Variants in ASCC3 observed in about 807,000 individuals in gnomAD.
ASCC3 encodes the protein ASC-1 complex subunit P200.
In ASCC3, 158 loss-of-function variants were observed where a neutral mutation model predicts 256.3. The observed-to-expected ratio is 0.62, with a 90% CI of 0.54 to 0.70. The LOEUF is 0.70. Among genes scored for constraint, ASCC3 ranks in the 30% least tolerant of loss-of-function variants. The pLI, the probability that ASCC3 is intolerant of heterozygous loss-of-function variation, is 0.00. For missense variants in ASCC3, 2,259 were observed against 2,626.0 expected (o/e 0.86, Z 3.05); for synonymous variants, 948 against 883.4 (o/e 1.07, Z -1.30).
At chr6:100,660,385 A>C (rs1776134711) in intron 16 of ASCC3, among the ~76,000 whole-genome samples, 1 of 151,630 alleles carries the variant, frequency 6.6e-6, no homozygotes, top group African/African-American at 2.4e-5. Flanking sequence ...GTTCACTGCC[A>C]CTATCATTTT....
At chr6:100,522,203 A>G (rs1774349546) in intron 37 of ASCC3, among the ~76,000 whole-genome samples, 1 of 152,050 alleles carries the variant, frequency 6.6e-6, no homozygotes, top group African/African-American at 2.4e-5. Flanking sequence ...GGAAACATGA[A>G]TGGGGGCTGA....
intron 29 of ASCC3, among the ~76,000 whole-genome samples, chr6:100,626,138 A>G (rs560445446): frequency 2.0e-5 from 3 of 151,678 alleles, no homozygotes; most frequent in Admixed American, 1.3e-4. Context: ...TCTTGAAATG[A>G]GGTTTTTTGT....
chr6:100,616,989 T>TGTG (rs1324287996), intron 30 of ASCC3, among the ~76,000 whole-genome samples: 2 of 151,382 alleles, frequency 1.3e-5, no homozygotes, highest in Non-Finnish European at 2.9e-5. Context: ...TTTTTGTTGT[T>TGTG]GTCGTTGTTG....
chr6:100,733,310 C>A (rs1280709459), intron 10 of ASCC3, among the ~76,000 whole-genome samples: 1 of 152,082 alleles, frequency 6.6e-6, no homozygotes, highest in Non-Finnish European at 1.5e-5. Context: ...ATTTGTTCCC[C>A]AATGTGGCAA....
chr6:100,690,963 A>C (rs1164155277), intron 13 of ASCC3, among the ~76,000 whole-genome samples: 1 of 152,170 alleles, frequency 6.6e-6, no homozygotes, highest in Non-Finnish European at 1.5e-5. Context: ...TTCACTTAAA[A>C]ATCACTTTAA....
rs1429537188 is a variant in ASCC3, at chr6:100,628,941, A to C, written c.4375+74T>G. ...GAAATATATATAAATATTACATGCA[A>C]ATTAAAAATACTAATAATTAATATT... On this transcript the variant is annotated intron_variant, in intron 27 of 41. Transcript: ENST00000369162. The C allele has an allele frequency of 3.8e-6, 5 of 1,318,012 alleles. No individual in the cohort carries two copies. In the South Asian group the frequency reaches 6.7e-5, roughly 18 times the overall value. 81.6% of individuals were successfully genotyped at this position (1,318,012 alleles called of 1,614,324 possible). A position where few individuals can be genotyped will look rare whatever the true frequency, so the allele number is the denominator to read the frequency against.
intron 4 of ASCC3, among the ~76,000 whole-genome samples, chr6:100,839,712 G>A (rs1166434660): frequency 1.3e-5 from 2 of 152,144 alleles, no homozygotes; most frequent in African/African-American, 4.8e-5. Flanking sequence ...GTTTGACTGA[G>A]CTGAGATCTG....
At chr6:100,828,726 G>A (rs1424169990) in intron 4 of ASCC3, among the ~76,000 whole-genome samples, 1 of 152,098 alleles carries the variant, frequency 6.6e-6, no homozygotes, top group Non-Finnish European at 1.5e-5. Context: ...GAGTGAAGCT[G>A]CAGACCTTTG....
chr6:100,532,357 T>C (rs1347346153), intron 37 of ASCC3, among the ~76,000 whole-genome samples: 2 of 136,348 alleles, frequency 1.5e-5, no homozygotes, highest in African/African-American at 5.8e-5. Context: ...TGTGTGTGTG[T>C]GTGTGTGTGT....
chr6:100,783,220 T>C (rs993610903), intron 8 of ASCC3, among the ~76,000 whole-genome samples: 1 of 152,180 alleles, frequency 6.6e-6, no homozygotes, highest in African/African-American at 2.4e-5. Flanking sequence ...TTCTACACCA[T>C]ATGTCCCCTA....
chr6:100,567,617 C>T (rs1770336893), intron 36 of ASCC3, among the ~76,000 whole-genome samples: 1 of 152,118 alleles, frequency 6.6e-6, no homozygotes, highest in African/African-American at 2.4e-5. Context: ...TCCATGAGTA[C>T]CCACTGTTTA....
intron 14 of ASCC3, among the ~76,000 whole-genome samples, chr6:100,667,797 C>T (rs563252764): frequency 3.2e-4 from 49 of 151,868 alleles, no homozygotes; most frequent in African/African-American, 9.7e-4. Flanking sequence ...TTATGTTTTG[C>T]GCATGAGTTT....
intron 13 of ASCC3, among the ~76,000 whole-genome samples, chr6:100,697,805 A>T (rs912146683): frequency 1.3e-5 from 2 of 152,106 alleles, no homozygotes; most frequent in Non-Finnish European, 2.9e-5. Flanking sequence ...AACGGAAGGA[A>T]TTTTTCCATG....
chr6:100,688,804 A>G (rs1375724129), intron 13 of ASCC3, among the ~76,000 whole-genome samples: 1 of 152,146 alleles, frequency 6.6e-6, no homozygotes, highest in Non-Finnish European at 1.5e-5. Flanking sequence ...AAAGGATTGG[A>G]GTCTAGGAAG....
At chr6:100,708,231 G>C (rs1778694344) in intron 13 of ASCC3, among the ~76,000 whole-genome samples, 2 of 152,056 alleles carry the variant, frequency 1.3e-5, no homozygotes, top group African/African-American at 4.8e-5. Flanking sequence ...TTGAATTAAA[G>C]TGAATTTATT....
chr6:100,790,055 T>C (rs1769281158), intron 8 of ASCC3, among the ~76,000 whole-genome samples: 1 of 151,962 alleles, frequency 6.6e-6, no homozygotes, highest in South Asian at 2.1e-4. Flanking sequence ...ATGATGTTTA[T>C]GTGAAGGGTT....
intron 36 of ASCC3, among the ~76,000 whole-genome samples, chr6:100,561,439 A>G (rs1002409619): frequency 1.3e-5 from 2 of 152,078 alleles, no homozygotes; most frequent in Admixed American, 1.3e-4. Context: ...ATCACATCAT[A>G]TTCCCAGTCC....
At chr6:100,705,045 A>G (rs2115004836) in intron 13 of ASCC3, among the ~76,000 whole-genome samples, 1 of 152,204 alleles carries the variant, frequency 6.6e-6, no homozygotes, top group South Asian at 2.1e-4. Context: ...TGGTAACACA[A>G]AGAGAAGCTT....
At chr6:100,751,422 AG>A (rs938699741) in intron 10 of ASCC3, among the ~76,000 whole-genome samples, 3 of 151,992 alleles carry the variant, frequency 2.0e-5, no homozygotes, top group African/African-American at 7.2e-5. Flanking sequence ...GTCATAAATA[AG>A]GAAAGACATC....
Sources: gnomAD v4.1 joint callset for allele counts (sites outside exome capture counted in the v4.1 genomes callset) on GRCh38, gnomAD v4.1.1 for gene constraint, MANE v1.5 for transcripts, NCBI Gene and HGNC (gene_info 2026-07-23, HGNC 2026-07-21) for gene names.